The following RBFOX3 variants were observed in gnomAD, a reference collection of about 807,000 sequenced individuals.
RBFOX3 encodes RNA binding protein fox-1 homolog 3.
Under a neutral mutation model 48.7 loss-of-function variants are expected in RBFOX3, and 17 were observed. That is an observed-to-expected ratio of 0.35 (90% CI 0.24 to 0.52). RBFOX3 has a LOEUF of 0.52. RBFOX3 is among the 20% of genes least tolerant of loss of function. RBFOX3 has a pLI of 0.94. For missense variants in RBFOX3, 382 were observed against 497.5 expected, an observed-to-expected ratio of 0.77 and a Z score of 2.21; for synonymous variants, 212 against 209.5, an observed-to-expected ratio of 1.01 and a Z score of -0.10.
At chr17:79,357,166 C>T (rs2085313541) in intron 2 of RBFOX3, among the ~76,000 whole-genome samples, 1 of 152,242 alleles carries the variant, frequency 6.6e-6, no homozygotes, top group South Asian at 2.1e-4. Context: ...GCACACACAT[C>T]CTAAAACGCA....
intron 1 of RBFOX3, among the ~76,000 whole-genome samples, chr17:79,491,570 G>C (rs1231396774): frequency 5.3e-5 from 8 of 152,064 alleles, no homozygotes; most frequent in African/African-American, 1.9e-4. Context: ...CCACATGGGA[G>C]ATGAGGAAGA....
At chr17:79,457,882 G>A (rs1162122837) in intron 2 of RBFOX3, among the ~76,000 whole-genome samples, 1 of 152,260 alleles carries the variant, frequency 6.6e-6, no homozygotes, top group African/African-American at 2.4e-5. Flanking sequence ...CAGAAAGAAG[G>A]TGTTCAGGAA....
At chr17:79,248,067 G>A (rs1014792449) in intron 3 of RBFOX3, among the ~76,000 whole-genome samples, 25 of 152,238 alleles carry the variant, frequency 1.6e-4, no homozygotes, top group African/African-American at 5.8e-4. Flanking sequence ...AGTGAGCTCC[G>A]GTGGGGAGAC....
At chr17:79,587,636 C>T (rs1280613105) in intron 1 of RBFOX3, among the ~76,000 whole-genome samples, 1 of 152,196 alleles carries the variant, frequency 6.6e-6, no homozygotes, top group African/African-American at 2.4e-5. Flanking sequence ...GAGGTCCCCC[C>T]ACGGAGCAGC....
At chr17:79,543,437 T>A (rs985583010) in intron 1 of RBFOX3, among the ~76,000 whole-genome samples, 1 of 151,960 alleles carries the variant, frequency 6.6e-6, no homozygotes, top group African/African-American at 2.4e-5. Flanking sequence ...AGGGTAGAAT[T>A]TCCCCTCCTG....
At chr17:79,280,244 C>T (rs2070046602) in intron 3 of RBFOX3, among the ~76,000 whole-genome samples, 1 of 151,906 alleles carries the variant, frequency 6.6e-6, no homozygotes, top group Non-Finnish European at 1.5e-5. Context: ...CATGCACACA[C>T]ACACACATGC....
At chr17:79,092,887 G>A (rs552309356) in intron 14 of RBFOX3, among the ~76,000 whole-genome samples, 2 of 152,236 alleles carry the variant, frequency 1.3e-5, no homozygotes, top group East Asian at 3.9e-4. Context: ...AGTGCTTCTA[G>A]GTCACAGCTT....
At chr17:79,173,388 C>T (rs558270174) in intron 4 of RBFOX3, among the ~76,000 whole-genome samples, 2 of 152,320 alleles carry the variant, frequency 1.3e-5, no homozygotes, top group East Asian at 3.9e-4. Context: ...ACAGCTCATG[C>T]TAAAGGCATT....
At chr17:79,229,558 C>CAAAAA (rs11435725) in intron 4 of RBFOX3, among the ~76,000 whole-genome samples, 14 of 50,628 alleles carry the variant, frequency 2.8e-4, no homozygotes, top group Middle Eastern at 0.01. Flanking sequence ...GACTCCATCT[C>CAAAAA]AAAAAAAAAA....
At chr17:79,132,136 A>G (rs2703510) in intron 4 of RBFOX3, among the ~76,000 whole-genome samples, 102,758 of 151,544 alleles carry the variant, frequency 0.68, 35,896 homozygotes, top group Non-Finnish European at 0.73. Flanking sequence ...TCGATGGTCA[A>G]TCAGACGGAC....
At position 79,535,336 on chromosome 17, in the gene RBFOX3, C is replaced by T. The variant is rs1056600033; in HGVS notation, c.-319-52738G>A. Among the ~76,000 whole-genome samples the T allele has an allele frequency of 1.3e-5, 2 of 152,174 alleles. No individual in the cohort carries two copies. The highest frequency in any genetic ancestry group is 2.9e-5 in the Non-Finnish European group (2 of 68,028). ...ACTCATTGGCCAGATCTGGGGATCA[C>T]CTATAGGTAAGGAGAAGAGGGAGGG... On this transcript the variant is annotated intron_variant, in intron 1 of 14. Transcript: ENST00000693108. The surrounding 1 kb of genome is among the most constrained non-coding windows in gnomAD (Gnocchi z 4.5).
chr17:79,092,620 AC>A, intron 14 of RBFOX3: 1 of 987,164 alleles, frequency 1.0e-6, no homozygotes, highest in Non-Finnish European at 1.2e-6. Context: ...AAGCGGCTGT[AC>A]CCTCCTCGGC....
chr17:79,554,254 A>G lies in RBFOX3; in HGVS notation c.-320+56572T>C, dbSNP rs1012102153. Among the ~76,000 whole-genome samples, 813 of 151,260 alleles carry G rather than the reference A, an allele frequency of 5.4e-3. 4 individuals carry two copies. The highest frequency in any genetic ancestry group is 0.017 in the Middle Eastern group (5 of 290). On this transcript the variant is annotated intron_variant, in intron 1 of 14. Coordinates refer to ENST00000693108, the MANE Select transcript of RBFOX3 (RefSeq NM_001350451.2). ...TTAACTGAGTTACTTTTGTTCTCTC[A>G]TTTTTATTGGCTGTGAATTTAAGGC...
chr17:79,331,507 C>T (rs540080461), intron 2 of RBFOX3, among the ~76,000 whole-genome samples: 1 of 152,186 alleles, frequency 6.6e-6, no homozygotes, highest in African/African-American at 2.4e-5. Context: ...AGGCCTCTGC[C>T]CCCCCTGGAC....
intron 4 of RBFOX3, among the ~76,000 whole-genome samples, chr17:79,188,752 C>T (rs534321919): frequency 3.3e-5 from 5 of 152,280 alleles, no homozygotes; most frequent in South Asian, 2.1e-4. Context: ...CTGTGGAAGG[C>T]GAGCGAGCTC....
rs1263239567 is a variant in RBFOX3 at position 79,104,142 on chromosome 17, C to G, written c.361-16G>C. ...TTCCGAATTGCTGCAGAGACAGAGACAAAGAGGGAGTGGGGCAGACAGGAA... is the reference window on the plus strand; with the variant it reads ...TTCCGAATTGCTGCAGAGACAGAGAGAAAGAGGGAGTGGGGCAGACAGGAA... On this transcript the variant is annotated splice_polypyrimidine_tract_variant and intron_variant, in intron 6 of 14. Coordinates refer to ENST00000693108, the MANE Select transcript of RBFOX3 (RefSeq NM_001350451.2). The G allele has an allele frequency of 6.5e-7, 1 of 1,550,036 alleles. No individual in the cohort carries two copies. The highest frequency in any genetic ancestry group is 8.7e-7 in the Non-Finnish European group (1 of 1,145,750).
At chr17:79,225,417 C>A (rs118106158) in intron 4 of RBFOX3, among the ~76,000 whole-genome samples, 15,258 of 151,784 alleles carry the variant, frequency 0.1, 1,161 homozygotes, top group African/African-American at 0.22. Context: ...CAGCCTCCCG[C>A]ATAGCTGGGA....
At chr17:79,656,800 AAGAAAGAAAAGAAAGAG>A in the RBFOX3 span, among the ~76,000 whole-genome samples, 3 of 1,468 alleles carry the variant, frequency 2.0e-3, no homozygotes, top group Non-Finnish European at 5.0e-3. Context: ...GAAAGAAAGA[AAGAAAGAAAAGAAAGAG>A]AAAGAAAGAA....
chr17:79,106,515 C>G, intron 6 of RBFOX3, 136 bp downstream of exon 6: 3 of 1,155,508 alleles, frequency 2.6e-6, no homozygotes, highest in Non-Finnish European at 3.4e-6. Flanking sequence ...AATCCTGGGG[C>G]CCCGGAGGCT....
Sources: gnomAD v4.1 joint callset for allele counts (sites outside exome capture counted in the v4.1 genomes callset) on GRCh38, gnomAD v4.1.1 for gene constraint, Gnocchi (gnomAD v3.1) non-coding constraint, MANE v1.5 for transcripts, NCBI Gene and HGNC (gene_info 2026-07-23, HGNC 2026-07-21) for gene names.